The following TSC22D1 variants were observed in gnomAD, a reference collection of about 807,000 sequenced individuals.
TSC22D1 encodes TSC22 domain family member 1, also known as TSC22 domain family protein 1.
In TSC22D1, 9 loss-of-function variants were observed where a neutral mutation model predicts 74.2. The observed-to-expected ratio is 0.12, with a 90% CI of 0.07 to 0.21. The LOEUF is 0.21. Ranked by LOEUF, TSC22D1 falls within the 10% of genes least tolerant of loss-of-function variation. The pLI is 1.00. For synonymous variants in TSC22D1, 586 were observed against 492.5 expected, an observed-to-expected ratio of 1.19 and a Z score of -2.51; for missense variants, 1,427 against 1,304.7, an observed-to-expected ratio of 1.09 and a Z score of -1.44.
intron 1 of TSC22D1, among the ~76,000 whole-genome samples, chr13:44,549,983 TCA>T (rs1422655326): frequency 1.3e-5 from 2 of 152,192 alleles, no homozygotes; most frequent in African/African-American, 2.4e-5. Flanking sequence ...TACTGACTAT[TCA>T]CAGTTTCCAC....
intron 1 of TSC22D1, among the ~76,000 whole-genome samples, chr13:44,478,024 A>C (rs2182124): frequency 0.34 from 52,009 of 151,888 alleles, 9,195 homozygotes; most frequent in Non-Finnish European, 0.39. Flanking sequence ...ATTTTAAAGT[A>C]AAGTCCTTAT....
At chr13:44,522,536 G>A (rs1300734686) in intron 1 of TSC22D1, among the ~76,000 whole-genome samples, 1 of 152,172 alleles carries the variant, frequency 6.6e-6, no homozygotes, top group African/African-American at 2.4e-5. Context: ...GGACAGGTTT[G>A]ACAAAGATTT....
At chr13:44,515,015 T>C (rs1403373409) in intron 1 of TSC22D1, among the ~76,000 whole-genome samples, 1 of 152,208 alleles carries the variant, frequency 6.6e-6, no homozygotes, top group Non-Finnish European at 1.5e-5. Flanking sequence ...AAAAGAGGCA[T>C]TCTCATCCAT....
chr13:44,475,445 G>A (rs1253725017), intron 1 of TSC22D1, among the ~76,000 whole-genome samples: 1 of 142,278 alleles, frequency 7.0e-6, no homozygotes, highest in Non-Finnish European at 1.5e-5. Context: ...GTCAGGAGAG[G>A]GAGGTAAAAC....
chr13:44,454,226 AGTTAT>A (rs996277565), intron 1 of TSC22D1, among the ~76,000 whole-genome samples: 62 of 152,196 alleles, frequency 4.1e-4, no homozygotes, highest in African/African-American at 1.5e-3. Flanking sequence ...GGGGAAGACC[AGTTAT>A]GTTATATGAA....
chr13:44,468,897 C>T (rs1428654447), intron 1 of TSC22D1, among the ~76,000 whole-genome samples: 1 of 130,954 alleles, frequency 7.6e-6, no homozygotes, highest in Non-Finnish European at 1.8e-5. Context: ...TTAACCTCAC[C>T]TAGCAAGTTG....
intron 1 of TSC22D1, among the ~76,000 whole-genome samples, chr13:44,557,491 CT>C (rs1172382713): frequency 6.6e-6 from 1 of 152,130 alleles, no homozygotes; most frequent in African/African-American, 2.4e-5. Context: ...TTAATTCTAC[CT>C]TCTAGAATAA....
At position 44,433,969 on chromosome 13, in the gene TSC22D1, A is replaced by G. The variant is rs1441012444; in HGVS notation, c.*657T>C. The stretch of plus-strand genomic sequence containing the variant: ...CTATTGTACAAAATAGTTACACTAC[A>G]TACACAAATATACAATAAGCAAAAC... On this transcript the variant is annotated 3_prime_UTR_variant, in exon 3 of 3. Transcript: ENST00000458659. 1 of 1,533,088 alleles carries G rather than the reference A, an allele frequency of 6.5e-7. No individual in the cohort carries two copies. Among genetic ancestry groups the G allele is most frequent in the African/African-American group, 1.4e-5 (1 of 72,940 alleles). The allele number at this position is 1,533,088 out of a possible 1,614,324, so 95.0% of individuals were successfully genotyped here.
chr13:44,567,289 C>A (rs918133500), intron 1 of TSC22D1, among the ~76,000 whole-genome samples: 3 of 152,168 alleles, frequency 2.0e-5, no homozygotes, highest in African/African-American at 7.2e-5. Flanking sequence ...AAGAAACCGA[C>A]ACTAGAAGTC....
intron 1 of TSC22D1, among the ~76,000 whole-genome samples, chr13:44,502,161 A>G (rs1879250656): frequency 6.6e-6 from 1 of 152,120 alleles, no homozygotes; most frequent in Non-Finnish European, 1.5e-5. Context: ...TCTATGTGTG[A>G]GCCTCCTTCC....
At chr13:44,526,798 C>G (rs1199649322) in intron 1 of TSC22D1, among the ~76,000 whole-genome samples, 1 of 152,134 alleles carries the variant, frequency 6.6e-6, no homozygotes, top group Admixed American at 6.5e-5. Context: ...TGAAAACTTT[C>G]CAACATTTAT....
intron 1 of TSC22D1, chr13:44,437,379 AGAT>A: frequency 6.8e-6 from 3 of 440,446 alleles, no homozygotes; most frequent in Non-Finnish European, 9.0e-6. Flanking sequence ...TTATTTTTAA[AGAT>A]AATAATCACC....
At chr13:44,446,549 G>T (rs1875656476) in intron 1 of TSC22D1, among the ~76,000 whole-genome samples, 1 of 152,104 alleles carries the variant, frequency 6.6e-6, no homozygotes, top group African/African-American at 2.4e-5. Context: ...TTCACCACTT[G>T]GGCAACGGGA....
chr13:44,455,539 C>T (rs931519167), intron 1 of TSC22D1, among the ~76,000 whole-genome samples: 2 of 152,292 alleles, frequency 1.3e-5, no homozygotes, highest in Non-Finnish European at 2.9e-5. Context: ...CTAGTTTCTT[C>T]AAGAATTATT....
chr13:44,571,739 C>A (rs935458101), intron 1 of TSC22D1, among the ~76,000 whole-genome samples: 1 of 151,986 alleles, frequency 6.6e-6, no homozygotes, highest in African/African-American at 2.4e-5. Flanking sequence ...AAACTACCTC[C>A]TAAAAGTTTA....
intron 1 of TSC22D1, among the ~76,000 whole-genome samples, chr13:44,522,592 G>T (rs1880367481): frequency 6.6e-6 from 1 of 152,124 alleles, no homozygotes; most frequent in Non-Finnish European, 1.5e-5. Context: ...ACAATTCAGT[G>T]GAGAAGGAAG....
chr13:44,574,763 C>G lies in TSC22D1; in HGVS notation c.1312G>C (p.Ala438Pro), dbSNP rs368200542. Residue 438 changes from alanine (A) to proline (P), a missense_variant, in exon 1 of 3, where the codon GCT (alanine) becomes CCT (proline). By Grantham distance (27) the Ala-to-Pro change is conservative. This residue lies in a region of TSC22D1 where 1,343 missense variants were observed against 1,191.5 expected (regional missense o/e 1.13). Coordinates refer to ENST00000458659, the MANE Select transcript of TSC22D1 (RefSeq NM_183422.4). ...EFYEKENAVP[A>P]TEGVLINKVV... ...TTATTTATCAGCACACCTTCTGTAG[C>G]AGGTACAGCATTTTCTTTTTCATAG... 10 of 1,613,998 alleles carry G rather than the reference C, an allele frequency of 6.2e-6. No homozygotes were observed. In the African/African-American group the frequency reaches 1.3e-4, roughly 22 times the overall value.
chr13:44,506,337 A>G (rs1222549208), intron 1 of TSC22D1, among the ~76,000 whole-genome samples: 1 of 152,234 alleles, frequency 6.6e-6, no homozygotes, highest in East Asian at 1.9e-4. Flanking sequence ...TTGCAGGGTC[A>G]TGGATAGAGC....
At chr13:44,437,696 A>C (rs1314050862) in intron 1 of TSC22D1, among the ~76,000 whole-genome samples, 1 of 152,180 alleles carries the variant, frequency 6.6e-6, no homozygotes, top group East Asian at 1.9e-4. Flanking sequence ...TTAAGTCCCT[A>C]AGGCACGTTT....
Sources: allele counts gnomAD v4.1 joint callset (sites outside exome capture counted in the v4.1 genomes callset), GRCh38; gene constraint gnomAD v4.1.1; regional missense constraint gnomAD v4.1.1; transcripts MANE v1.5; gene names NCBI Gene and HGNC (gene_info 2026-07-23, HGNC 2026-07-21).